The following ITPR2 variants were observed in gnomAD, a reference collection of about 807,000 sequenced individuals.
ITPR2 encodes the protein inositol 1,4,5-trisphosphate-gated calcium channel ITPR2.
In ITPR2, 207 loss-of-function variants were observed where a neutral mutation model predicts 317.1. That is an observed-to-expected ratio of 0.65 (90% CI 0.58 to 0.73). ITPR2 has a LOEUF of 0.73. Ranked by LOEUF, ITPR2 falls within the 30% of genes least tolerant of loss-of-function variation. The pLI, the probability that ITPR2 is intolerant of heterozygous loss-of-function variation, is 0.00. For synonymous variants in ITPR2, 1,156 were observed against 1,149.1 expected (o/e 1.01, Z -0.12); for missense variants, 2,613 against 3,284.0 (o/e 0.80, Z 4.99).
chr12:26,751,110 A>C (rs1277722660), intron 2 of ITPR2, among the ~76,000 whole-genome samples: 2 of 152,140 alleles, frequency 1.3e-5, no homozygotes, highest in African/African-American at 4.8e-5. Context: ...AAATTCCAGA[A>C]ATCAGATTTA....
At chr12:26,543,984 C>T (rs1188660220) in intron 37 of ITPR2, among the ~76,000 whole-genome samples, 3 of 152,098 alleles carry the variant, frequency 2.0e-5, no homozygotes, top group Admixed American at 1.3e-4. Flanking sequence ...TTTGTAAACT[C>T]TTGCTTTTCT....
At position 26,828,909 on chromosome 12, in the gene ITPR2, C is replaced by G. The variant is rs76882642; in HGVS notation, c.92+3781G>C. On this transcript the variant is annotated intron_variant, in intron 1 of 56. Transcript: ENST00000381340. ...AGGAGCCGTGGGCAAACCTACAGCC[C>G]TGGGCACAAGAGCCACATAGTTTTG... Among the ~76,000 whole-genome samples, 646 of 152,312 alleles carry G rather than the reference C, an allele frequency of 4.2e-3. 8 individuals carry two copies. Among genetic ancestry groups the G allele is most frequent in the African/African-American group, 0.015 (614 of 41,580 alleles).
intron 2 of ITPR2, among the ~76,000 whole-genome samples, chr12:26,771,201 T>A (rs1565750822): frequency 1.3e-5 from 2 of 152,188 alleles, no homozygotes; most frequent in African/African-American, 4.8e-5. Flanking sequence ...GACTTGGACA[T>A]GTAGTTTGCA....
At chr12:26,404,986 T>G (rs996987316) in intron 52 of ITPR2, among the ~76,000 whole-genome samples, 11 of 151,916 alleles carry the variant, frequency 7.2e-5, no homozygotes, top group African/African-American at 2.4e-4. Flanking sequence ...ATTCAAAAAT[T>G]AGCTGAGCAT....
intron 1 of ITPR2, among the ~76,000 whole-genome samples, chr12:26,807,268 A>G (rs1205765492): frequency 6.6e-6 from 1 of 152,234 alleles, no homozygotes; most frequent in East Asian, 1.9e-4. Context: ...AAAAAATAAT[A>G]ATTGAAATTG....
chr12:26,391,570 T>A (rs1017873618), intron 54 of ITPR2, among the ~76,000 whole-genome samples: 8 of 134,878 alleles, frequency 5.9e-5, no homozygotes, highest in Admixed American at 4.3e-4. Flanking sequence ...TTTTTTTTTT[T>A]TTTTTTTTTT....
intron 37 of ITPR2, among the ~76,000 whole-genome samples, chr12:26,496,218 A>G (rs1262676715): frequency 3.3e-5 from 5 of 152,180 alleles, no homozygotes; most frequent in Non-Finnish European, 1.5e-5. Flanking sequence ...GTGGCCCAAG[A>G]GCTTAAGTAA....
chr12:26,663,498 A>T (rs1280784086), intron 15 of ITPR2, among the ~76,000 whole-genome samples, 187 bp downstream of exon 15: 2 of 152,250 alleles, frequency 1.3e-5, no homozygotes, highest in African/African-American at 4.8e-5. Flanking sequence ...TTCATATGGA[A>T]GAATAAAGCC....
chr12:26,602,049 G>A (rs142398283), intron 28 of ITPR2, among the ~76,000 whole-genome samples: 27 of 152,108 alleles, frequency 1.8e-4, no homozygotes, highest in Admixed American at 1.3e-4. Context: ...CATGACAACC[G>A]AATAGCGCAT....
intron 8 of ITPR2, among the ~76,000 whole-genome samples, chr12:26,713,396 C>A (rs1948684100): frequency 6.6e-6 from 1 of 152,142 alleles, no homozygotes; most frequent in African/African-American, 2.4e-5. Context: ...AATAAGCCTA[C>A]CACCGATATA....
intron 45 of ITPR2, among the ~76,000 whole-genome samples, chr12:26,451,210 G>A (rs1028324968): frequency 6.6e-6 from 1 of 152,094 alleles, no homozygotes; most frequent in Non-Finnish European, 1.5e-5. Context: ...GAGAACAGGG[G>A]TGATCATTCC....
At chr12:26,459,738 G>T (rs550495790) in intron 45 of ITPR2, among the ~76,000 whole-genome samples, 1 of 152,258 alleles carries the variant, frequency 6.6e-6, no homozygotes, top group South Asian at 2.1e-4. Flanking sequence ...GATTTTCCCA[G>T]GAAATCTCAT....
At chr12:26,362,782 C>T (rs1938878036) in intron 55 of ITPR2, among the ~76,000 whole-genome samples, 2 of 152,178 alleles carry the variant, frequency 1.3e-5, no homozygotes, top group Non-Finnish European at 2.9e-5. Flanking sequence ...ATTTTCTCTC[C>T]TATCCTAGAA....
At chr12:26,810,772 C>T (rs1950722662) in intron 1 of ITPR2, among the ~76,000 whole-genome samples, 1 of 152,170 alleles carries the variant, frequency 6.6e-6, no homozygotes, top group Admixed American at 6.5e-5. Flanking sequence ...TTTAACTTCC[C>T]TGAATGCTGC....
chr12:26,514,773 C>T (rs539600064), intron 37 of ITPR2, among the ~76,000 whole-genome samples: 97 of 148,956 alleles, frequency 6.5e-4, no homozygotes, highest in Middle Eastern at 3.4e-3. Context: ...AATTTGGTTA[C>T]GCACAATAAT....
At chr12:26,364,171 G>C (rs1027695761) in intron 55 of ITPR2, among the ~76,000 whole-genome samples, 29 of 152,260 alleles carry the variant, frequency 1.9e-4, no homozygotes, top group Middle Eastern at 3.4e-3. Context: ...TTTAAGATTT[G>C]ATTTTATTTA....
chr12:26,814,688 T>A (rs1950819121), intron 1 of ITPR2, among the ~76,000 whole-genome samples: 1 of 152,242 alleles, frequency 6.6e-6, no homozygotes, highest in African/African-American at 2.4e-5. Context: ...TTTAATTTTT[T>A]AAAAGGTTTT....
At position 26,339,922 on chromosome 12, in the gene ITPR2, A is replaced by G. The variant is rs573959746; in HGVS notation, c.8019+245T>C. Among the ~76,000 whole-genome samples, 43 of 152,196 alleles carry G rather than the reference A, an allele frequency of 2.8e-4. 1 individual carries two copies. The South Asian group carries it at 8.9e-3, about 32-fold the overall frequency. ...TTTTTAAATGCAAAGAGGTGCTTGT[A>G]TTTTGGCATTTTATCCTTTCCCCCT... On this transcript the variant is annotated intron_variant, in intron 56 of 56. Transcript: ENST00000381340.
chr12:26,537,024 C>T (rs1318473803), intron 37 of ITPR2, among the ~76,000 whole-genome samples: 1 of 152,120 alleles, frequency 6.6e-6, no homozygotes, highest in Non-Finnish European at 1.5e-5. Context: ...AGTGGGCTGA[C>T]CTTGGGGGCC....
Sources: gnomAD v4.1 joint callset for allele counts (sites outside exome capture counted in the v4.1 genomes callset) on GRCh38, gnomAD v4.1.1 for gene constraint, MANE v1.5 for transcripts, NCBI Gene and HGNC (gene_info 2026-07-23, HGNC 2026-07-21) for gene names.